Variants in CDH7 observed in about 807,000 individuals in gnomAD.
The protein encoded by CDH7 is cadherin-7.
In CDH7, 25 loss-of-function variants were observed where a neutral mutation model predicts 71.8. The ratio of observed to expected loss-of-function variants is 0.35; its 90% CI spans 0.25 to 0.49. CDH7 has a LOEUF of 0.49. CDH7 is among the 20% of genes least tolerant of loss of function. The pLI is 0.99. For missense variants in CDH7, 862 were observed against 974.6 expected (o/e 0.88, Z 1.54); for synonymous variants, 381 against 363.8 (o/e 1.05, Z -0.54).
intron 2 of CDH7, among the ~76,000 whole-genome samples, chr18:65,792,000 C>T (rs1427445228): frequency 1.3e-5 from 2 of 151,970 alleles, no homozygotes; most frequent in African/African-American, 2.4e-5. Context: ...CTGCTTAGTA[C>T]GCTAATGTGT....
intron 2 of CDH7, among the ~76,000 whole-genome samples, chr18:65,781,970 C>G (rs867684798): frequency 1.4e-5 from 1 of 71,072 alleles, no homozygotes; most frequent in Non-Finnish European, 2.5e-5. Context: ...CTTTCTCTCT[C>G]TCTCTCTCTC....
intron 4 of CDH7, among the ~76,000 whole-genome samples, chr18:65,815,637 A>T (rs878987870): frequency 1.3e-5 from 2 of 152,226 alleles, no homozygotes; most frequent in Admixed American, 6.5e-5. Flanking sequence ...TACAGCTTTC[A>T]TAGAGATGGA....
chr18:65,843,785 T>A (rs1912822496), intron 6 of CDH7, 27 bp from the exon 7 acceptor site: 1 of 1,471,284 alleles, frequency 6.8e-7, no homozygotes, highest in South Asian at 1.4e-5. Flanking sequence ...ACCGGTAATT[T>A]AATTTTCCTA....
chr18:65,851,476 T>C (rs758635775), intron 7 of CDH7, among the ~76,000 whole-genome samples: 5 of 152,194 alleles, frequency 3.3e-5, no homozygotes, highest in African/African-American at 4.8e-5. Context: ...TGTAAATTAA[T>C]AGCTGGTGAT....
chr18:65,849,242 C>G (rs980230236), intron 7 of CDH7, among the ~76,000 whole-genome samples: 2 of 151,978 alleles, frequency 1.3e-5, no homozygotes, highest in African/African-American at 4.8e-5. Context: ...ATGGTGAAAA[C>G]ATAGCGTGTT....
At chr18:65,782,075 T>TTCC (rs1910299367) in intron 2 of CDH7, among the ~76,000 whole-genome samples, 1 of 54,400 alleles carries the variant, frequency 1.8e-5, no homozygotes, top group Admixed American at 1.7e-4. Flanking sequence ...TCTTTCTTTC[T>TTCC]TTCTTTCCTT....
intron 7 of CDH7, among the ~76,000 whole-genome samples, chr18:65,856,934 A>T (rs965898495): frequency 1.2e-4 from 19 of 152,040 alleles, no homozygotes; most frequent in Admixed American, 1.1e-3. Context: ...AGGCTTTTAC[A>T]TGCAAAAATA....
rs1238323262 is a variant in CDH7 at position 65,887,418 on chromosome 18, C to T, written c.*6524C>T. ...TCTCCTAATTCTATCCCTCCCCCCT[C>T]CCCCTACCCCACAACAGTCCCTAGA... On this transcript the variant is annotated 3_prime_UTR_variant, in exon 12 of 12. Transcript: ENST00000397968. 1 of 137,442 alleles carries T rather than the reference C, an allele frequency of 7.3e-6. No individual in the cohort carries two copies. Among genetic ancestry groups the T allele is most frequent in the Non-Finnish European group, 1.6e-5 (1 of 63,940 alleles). The allele number at this position is 137,442 out of a possible 1,614,324, so 8.5% of individuals were successfully genotyped here.
chr18:65,881,101 C>CCTG lies in CDH7; in HGVS notation c.*207_*208insCTG. The CCTG allele has an allele frequency of 2.1e-6, 1 of 475,838 alleles. No homozygotes were observed. Among genetic ancestry groups the CCTG allele is most frequent in the South Asian group, 4.2e-5 (1 of 24,046 alleles). The allele number at this position is 475,838 out of a possible 1,614,324, so 29.5% of individuals were successfully genotyped here. A position where few individuals can be genotyped will look rare whatever the true frequency, so the allele number is the denominator to read the frequency against. On this transcript the variant is annotated 3_prime_UTR_variant, in exon 12 of 12. Transcript: ENST00000397968. ...CATTAGACTTATCTAAAGGACTGCA[C>CCTG]TGACCACAGACTCTGAGCATTTGAA...
At chr18:65,804,316 C>T (rs371920721) in intron 2 of CDH7, among the ~76,000 whole-genome samples, 1 of 152,108 alleles carries the variant, frequency 6.6e-6, no homozygotes, top group South Asian at 2.1e-4. Flanking sequence ...CTCCATTTTA[C>T]AGGGCTAAGC....
Position 65,822,064 on chromosome 18 carries a change from G to T in CDH7, c.626-17G>T. On this transcript the variant is annotated splice_polypyrimidine_tract_variant and intron_variant, in intron 4 of 11. Coordinates refer to ENST00000397968, the MANE Select transcript of CDH7 (RefSeq NM_004361.5). ...AGTGATTCATGATGAGTTTTACTGGGATTTGAAATTTTACAGGAGTCATCA... is the reference window on the plus strand; with the variant it reads ...AGTGATTCATGATGAGTTTTACTGGTATTTGAAATTTTACAGGAGTCATCA... 6.2e-7 allele frequency: 1 copy of T among 1,602,832 alleles called. No individual in the cohort carries two copies. The highest frequency in any genetic ancestry group is 8.5e-7 in the Non-Finnish European group (1 of 1,169,954).
intron 7 of CDH7, among the ~76,000 whole-genome samples, chr18:65,852,214 G>C (rs1393845987): frequency 6.6e-6 from 1 of 152,122 alleles, no homozygotes; most frequent in Non-Finnish European, 1.5e-5. Flanking sequence ...ACTACAATTT[G>C]TATGCAACAT....
chr18:65,858,436 G>A (rs17061853), intron 8 of CDH7, among the ~76,000 whole-genome samples: 8,121 of 151,986 alleles, frequency 0.053, 283 homozygotes, highest in South Asian at 0.14. Flanking sequence ...GTATTTTAAT[G>A]TGTATGCATT....
rs146649527 is a variant in CDH7 at position 65,820,546 on chromosome 18, A to G, written c.626-1535A>G. Among the ~76,000 whole-genome samples, 298 of 152,244 alleles carry G rather than the reference A, an allele frequency of 2.0e-3. 1 individual carries two copies. Among genetic ancestry groups the G allele is most frequent in the African/African-American group, 7.0e-3 (290 of 41,554 alleles). Reference sequence around the variant, plus strand: ...GCAAATGCCATACAAGTAGAAATCTATTATTAGTGGGTGTTCTTCTTTCAA... The same window carrying G: ...GCAAATGCCATACAAGTAGAAATCTGTTATTAGTGGGTGTTCTTCTTTCAA... On this transcript the variant is annotated intron_variant, in intron 4 of 11. Coordinates refer to ENST00000397968, the MANE Select transcript of CDH7 (RefSeq NM_004361.5).
chr18:65,833,149 A>T (rs1330941588), intron 6 of CDH7, among the ~76,000 whole-genome samples: 1 of 152,150 alleles, frequency 6.6e-6, no homozygotes, highest in Non-Finnish European at 1.5e-5. Flanking sequence ...TGGAGGTGTT[A>T]ATAATGCTGT....
chr18:65,845,189 ATGTATATG>A (rs1177161704), intron 7 of CDH7, among the ~76,000 whole-genome samples: 5 of 151,600 alleles, frequency 3.3e-5, no homozygotes, highest in Non-Finnish European at 7.4e-5. Context: ...ACATACATAT[ATGTATATG>A]TGTATATATA....
intron 10 of CDH7, among the ~76,000 whole-genome samples, chr18:65,861,007 G>A (rs886696985): frequency 3.3e-5 from 5 of 152,148 alleles, no homozygotes; most frequent in African/African-American, 4.8e-5. Flanking sequence ...AGGTTCATCT[G>A]GTACAAGTGC....
intron 2 of CDH7, among the ~76,000 whole-genome samples, chr18:65,790,376 A>G (rs907875321): frequency 3.3e-5 from 5 of 152,080 alleles, no homozygotes; most frequent in African/African-American, 4.8e-5. Context: ...GTCTCTCGAT[A>G]AAGAAGAGTA....
At chr18:65,767,089 C>CTTTTTTTTTTTTTTTTTTTTT (rs35258266) in intron 2 of CDH7, among the ~76,000 whole-genome samples, 1 of 139,960 alleles carries the variant, frequency 7.1e-6, no homozygotes. Context: ...ATCACTCTTT[C>CTTTTTTTTTTTTTTTTTTTTT]TTTCTTTTTT....
Sources: gnomAD v4.1 joint callset for allele counts (sites outside exome capture counted in the v4.1 genomes callset) on GRCh38, gnomAD v4.1.1 for gene constraint, MANE v1.5 for transcripts, NCBI Gene and HGNC (gene_info 2026-07-23, HGNC 2026-07-21) for gene names.